The following RIMS2 variants were observed in gnomAD, a reference collection of about 807,000 sequenced individuals.
RIMS2 encodes regulating synaptic membrane exocytosis 2.
In RIMS2, 59 loss-of-function variants were observed where a neutral mutation model predicts 174.4. The observed-to-expected ratio is 0.34, with a 90% CI of 0.27 to 0.42. The LOEUF (loss-of-function observed/expected upper bound fraction) is 0.42, where lower values mean the gene tolerates loss of function less well. Ranked by LOEUF, RIMS2 falls within the 10% of genes least tolerant of loss-of-function variation. RIMS2 has a pLI of 1.00. For synonymous variants in RIMS2, 606 were observed against 572.5 expected (o/e 1.06, Z -0.84); for missense variants, 1,620 against 1,666.3 (o/e 0.97, Z 0.48).
chr8:104,161,337 G>C (rs2098759827), intron 19 of RIMS2, among the ~76,000 whole-genome samples: 1 of 152,114 alleles, frequency 6.6e-6, no homozygotes, highest in Non-Finnish European at 1.5e-5. Flanking sequence ...GGAAATATTA[G>C]ACTCAGAAAT....
At chr8:103,878,505 A>G (rs1447801132) in intron 3 of RIMS2, among the ~76,000 whole-genome samples, 1 of 151,942 alleles carries the variant, frequency 6.6e-6, no homozygotes, top group South Asian at 2.1e-4. Flanking sequence ...ATCTCAGTTC[A>G]TTGGAGATAT....
intron 1 of RIMS2, among the ~76,000 whole-genome samples, chr8:103,573,190 G>T (rs2092962048): frequency 6.6e-6 from 1 of 151,864 alleles, no homozygotes; most frequent in Admixed American, 6.6e-5. Context: ...CAAGTAGCTG[G>T]GACTACAGGT....
chr8:104,105,349 G>T (rs2098024763), intron 19 of RIMS2, among the ~76,000 whole-genome samples: 1 of 152,136 alleles, frequency 6.6e-6, no homozygotes, highest in Non-Finnish European at 1.5e-5. Flanking sequence ...ATAAGTATTT[G>T]TTACTAGAAA....
At chr8:104,246,540 TG>T (rs1350475090) in intron 20 of RIMS2, among the ~76,000 whole-genome samples, 3 of 152,082 alleles carry the variant, frequency 2.0e-5, no homozygotes, top group Non-Finnish European at 2.9e-5. Flanking sequence ...ATTGTTAAAA[TG>T]TATATAAAAG....
At chr8:104,228,974 T>A (rs1328064031) in intron 19 of RIMS2, among the ~76,000 whole-genome samples, 2 of 152,224 alleles carry the variant, frequency 1.3e-5, no homozygotes, top group African/African-American at 4.8e-5. Flanking sequence ...CTTTTTCATA[T>A]AAGATTCAGA....
intron 3 of RIMS2, among the ~76,000 whole-genome samples, chr8:103,773,769 A>G (rs2154429321): frequency 6.6e-6 from 1 of 152,224 alleles, no homozygotes; most frequent in South Asian, 2.1e-4. Flanking sequence ...ACTTTGATAT[A>G]CCCACTAGAA....
intron 1 of RIMS2, among the ~76,000 whole-genome samples, chr8:103,593,814 A>G (rs960749441): frequency 1.3e-5 from 2 of 151,398 alleles, no homozygotes; most frequent in African/African-American, 2.4e-5. Flanking sequence ...ATTAATAATT[A>G]AAAATCAATT....
At position 103,642,818 on chromosome 8, in the gene RIMS2, G is replaced by A. The variant is rs185037736; in HGVS notation, c.177-54268G>A. ...CTGTTTCTCTGTAGATAAGGTGTTTGCTTTTTTTCTTTCAAAATGTCATCT... is the reference window on the plus strand; with the variant it reads ...CTGTTTCTCTGTAGATAAGGTGTTTACTTTTTTTCTTTCAAAATGTCATCT... On this transcript the variant is annotated intron_variant, in intron 1 of 23. Coordinates refer to ENST00000504942, the Ensembl canonical transcript of RIMS2. Among the ~76,000 whole-genome samples the A allele has an allele frequency of 2.3e-3, 348 of 151,804 alleles. 3 individuals are homozygous for A. Among genetic ancestry groups the A allele is most frequent in the Non-Finnish European group, 3.7e-3 (251 of 67,844 alleles).
At chr8:104,182,049 T>G (rs756976559) in intron 19 of RIMS2, among the ~76,000 whole-genome samples, 14 of 151,750 alleles carry the variant, frequency 9.2e-5, no homozygotes, top group Non-Finnish European at 1.9e-4. Flanking sequence ...GGAAATATTT[T>G]ATATGATTTG....
At chr8:103,828,361 C>CT (rs753377542) in intron 3 of RIMS2, among the ~76,000 whole-genome samples, 2 of 152,082 alleles carry the variant, frequency 1.3e-5, no homozygotes, top group Admixed American at 6.6e-5. Flanking sequence ...TATTCAATTT[C>CT]TTTGGCTACA....
intron 19 of RIMS2, among the ~76,000 whole-genome samples, chr8:104,019,849 C>T (rs1386970482): frequency 6.6e-6 from 1 of 152,114 alleles, no homozygotes; most frequent in Non-Finnish European, 1.5e-5. Flanking sequence ...ACAAACACTG[C>T]AGCCTTTCAC....
chr8:104,109,245 C>T (rs528933165), intron 19 of RIMS2, among the ~76,000 whole-genome samples: 41 of 140,842 alleles, frequency 2.9e-4, no homozygotes, highest in African/African-American at 9.9e-4. Flanking sequence ...TGCAGTGAGC[C>T]GAGATGGCAC....
At chr8:103,858,506 A>C (rs959375490) in intron 3 of RIMS2, among the ~76,000 whole-genome samples, 1 of 151,950 alleles carries the variant, frequency 6.6e-6, no homozygotes, top group African/African-American at 2.4e-5. Flanking sequence ...AGCTCATCTA[A>C]TTCAGAACCT....
chr8:103,831,518 G>C (rs1317475137), intron 3 of RIMS2, among the ~76,000 whole-genome samples: 3 of 152,120 alleles, frequency 2.0e-5, no homozygotes, highest in Non-Finnish European at 4.4e-5. Flanking sequence ...CGGCCAATTG[G>C]CCTTCTCTGG....
Position 103,587,408 on chromosome 8 carries a change from AGAAGAAAGAAAG to A in RIMS2, c.176+86347_176+86358del, listed in dbSNP as rs1414010300. Among the ~76,000 whole-genome samples, 6 of 126,296 alleles carry A rather than the reference AGAAGAAAGAAAG, an allele frequency of 4.8e-5. No individual in the cohort carries two copies. The East Asian group carries it at 1.6e-3, about 33-fold the overall frequency. The allele number at this position is 126,296 out of a possible 152,430, so 82.9% of individuals were successfully genotyped here. A position where few individuals can be genotyped will look rare whatever the true frequency, so the allele number is the denominator to read the frequency against. On this transcript the variant is annotated intron_variant, in intron 1 of 23. Coordinates refer to ENST00000504942, the Ensembl canonical transcript of RIMS2. ...ACCAAAGACACATCAGGAAGAAAAAAGAAGAAAGAAAGAAAGAAAGAAAGAAAGAAAGAAAGA... is the reference window on the plus strand; with the variant it reads ...ACCAAAGACACATCAGGAAGAAAAAAAAAGAAAGAAAGAAAGAAAGAAAGA...
At chr8:104,234,951 T>A (rs953376410) in intron 19 of RIMS2, among the ~76,000 whole-genome samples, 6 of 152,164 alleles carry the variant, frequency 3.9e-5, no homozygotes, top group Non-Finnish European at 7.4e-5. Flanking sequence ...CAATTTTTCG[T>A]GTGGGTTGGT....
At chr8:103,791,666 C>T (rs919167578) in intron 3 of RIMS2, among the ~76,000 whole-genome samples, 3 of 152,108 alleles carry the variant, frequency 2.0e-5, no homozygotes, top group African/African-American at 4.8e-5. Flanking sequence ...ATGCTGTGTT[C>T]AGGAGAACCA....
At chr8:103,520,541 C>T (rs1831157248) in intron 1 of RIMS2, among the ~76,000 whole-genome samples, 1 of 152,058 alleles carries the variant, frequency 6.6e-6, no homozygotes, top group Admixed American at 6.6e-5. Flanking sequence ...AATAGTTAAA[C>T]AGAGTGTCAT....
chr8:103,680,379 T>C (rs1296097595), intron 1 of RIMS2, among the ~76,000 whole-genome samples: 2 of 151,970 alleles, frequency 1.3e-5, no homozygotes, highest in Non-Finnish European at 2.9e-5. Context: ...AAAAATAAAC[T>C]TCAGATTGAT....
Sources: allele counts gnomAD v4.1 joint callset (sites outside exome capture counted in the v4.1 genomes callset), GRCh38; gene constraint gnomAD v4.1.1; transcripts MANE v1.5; gene names NCBI Gene and HGNC (gene_info 2026-07-23, HGNC 2026-07-21).